SLC2A9: variants seen among roughly 807,000 people sequenced by gnomAD.
SLC2A9 encodes solute carrier family 2, facilitated glucose transporter member 9.
In SLC2A9, 39 loss-of-function variants were observed where a neutral mutation model predicts 50.6. The ratio of observed to expected loss-of-function variants is 0.77; its 90% confidence interval spans 0.60 to 1.01. The LOEUF is 1.01. Ranked by LOEUF, SLC2A9 falls within the 50% of genes least tolerant of loss-of-function variation. The pLI is 0.00. For missense variants in SLC2A9, 686 were observed against 677.6 expected, an observed-to-expected ratio of 1.01 and a Z score of -0.14; for synonymous variants, 324 against 276.9, an observed-to-expected ratio of 1.17 and a Z score of -1.69.
chr4:9,934,818 T>C (rs1379906543), intron 6 of SLC2A9, among the ~76,000 whole-genome samples: 2 of 152,062 alleles, frequency 1.3e-5, no homozygotes, highest in African/African-American at 4.8e-5. Flanking sequence ...CCTCAGCCCC[T>C]GCCCACAGGC....
At chr4:9,909,640 G>T (rs1741324752) in intron 7 of SLC2A9, among the ~76,000 whole-genome samples, 3 of 152,116 alleles carry the variant, frequency 2.0e-5, no homozygotes, top group Admixed American at 2.0e-4. Context: ...GAGGTGTCAG[G>T]AACTGGGTGA....
At chr4:9,858,391 C>A (rs565759207) in intron 10 of SLC2A9, among the ~76,000 whole-genome samples, 1 of 152,168 alleles carries the variant, frequency 6.6e-6, no homozygotes, top group South Asian at 2.1e-4. Flanking sequence ...TCCATGCATG[C>A]ACTTTATCAA....
chr4:9,782,335 G>A (rs769659017), intron 3 of SLC2A9: 6 of 1,613,926 alleles, frequency 3.7e-6, no homozygotes, highest in African/African-American at 1.3e-5. Flanking sequence ...CAGTCGCCGA[G>A]GTGGCCGGTT....
intron 1 of SLC2A9, among the ~76,000 whole-genome samples, chr4:9,773,255 C>A (rs1717085254): frequency 6.6e-6 from 1 of 152,178 alleles, no homozygotes; most frequent in African/African-American, 2.4e-5. Flanking sequence ...CTGCCCCTCC[C>A]CATCCCCTCC....
At chr4:9,980,785 G>T (rs747295369) in intron 4 of SLC2A9, 48 bp from the exon 5 acceptor site, 2 of 1,613,460 alleles carry the variant, frequency 1.2e-6, no homozygotes, top group South Asian at 1.1e-5. Context: ...CTTCCCGGGG[G>T]AGCTGCACTC....
chr4:9,870,924 T>C (rs1266749061), intron 10 of SLC2A9, among the ~76,000 whole-genome samples: 1 of 152,096 alleles, frequency 6.6e-6, no homozygotes, highest in African/African-American at 2.4e-5. Flanking sequence ...TAGGAAGATT[T>C]TTTTGGGGGG....
chr4:9,850,161 G>C (rs192839949), intron 10 of SLC2A9, among the ~76,000 whole-genome samples: 1 of 152,096 alleles, frequency 6.6e-6, no homozygotes, highest in Non-Finnish European at 1.5e-5. Flanking sequence ...GGCCCCCAGC[G>C]ACTCCTGGGG....
chr4:9,778,147 T>A (rs1349014308), downstream of SLC2A9, among the ~76,000 whole-genome samples: 1 of 151,062 alleles, frequency 6.6e-6, no homozygotes, highest in South Asian at 2.1e-4. Flanking sequence ...TGCTCTGTTG[T>A]CCAGCAGACT....
intron 8 of SLC2A9, among the ~76,000 whole-genome samples, chr4:9,891,748 C>A (rs1380957992): frequency 3.3e-5 from 5 of 152,196 alleles, no homozygotes; most frequent in African/African-American, 1.2e-4. Context: ...TCAGGCGAGG[C>A]TTCCTGGAGG....
intron 6 of SLC2A9, among the ~76,000 whole-genome samples, chr4:9,941,701 C>T (rs973679247): frequency 3.9e-5 from 6 of 152,176 alleles, no homozygotes; most frequent in African/African-American, 1.2e-4. Flanking sequence ...CCCTGGGAGA[C>T]TCCCTGGGTG....
intron 10 of SLC2A9, among the ~76,000 whole-genome samples, chr4:9,877,113 T>C (rs1423879780): frequency 6.6e-6 from 1 of 152,220 alleles, no homozygotes; most frequent in African/African-American, 2.4e-5. Context: ...TCCCTAACTT[T>C]TGAGGGGAAA....
chr4:10,039,158 A>T (rs1275055792), intron 1 of SLC2A9, among the ~76,000 whole-genome samples: 1 of 152,216 alleles, frequency 6.6e-6, no homozygotes, highest in Non-Finnish European at 1.5e-5. Context: ...TTGTTGCAGA[A>T]ATGGACCTGG....
At chr4:9,809,358 G>T (rs1722547026) in intron 3 of SLC2A9, among the ~76,000 whole-genome samples, 1 of 152,142 alleles carries the variant, frequency 6.6e-6, no homozygotes, top group Non-Finnish European at 1.5e-5. Context: ...AGCCAGGAAA[G>T]CACCTAGTTA....
upstream of SLC2A9, chr4:10,021,545 G>A: frequency 6.6e-7 from 1 of 1,515,098 alleles, no homozygotes; most frequent in Non-Finnish European, 9.0e-7. Context: ...CTGACAGGAA[G>A]TGTGGCAATT....
At chr4:10,002,391 G>A (rs756318960) in intron 2 of SLC2A9, among the ~76,000 whole-genome samples, 5 of 152,342 alleles carry the variant, frequency 3.3e-5, no homozygotes, top group East Asian at 1.9e-4. Flanking sequence ...GGGCCTGAGA[G>A]TTATATAACC....
intron 5 of SLC2A9, among the ~76,000 whole-genome samples, chr4:9,945,940 C>A (rs1471039697): frequency 6.6e-6 from 1 of 152,200 alleles, no homozygotes; most frequent in East Asian, 1.9e-4. Flanking sequence ...CATTTTCAGA[C>A]AGTGGCCTCT....
chr4:9,999,511 A>G (rs1379126363), intron 2 of SLC2A9, among the ~76,000 whole-genome samples: 2 of 152,182 alleles, frequency 1.3e-5, no homozygotes, highest in East Asian at 3.9e-4. Context: ...TGTTCCAGGC[A>G]GAGGGAGAAT....
chr4:9,981,856 T>G (rs1755937411), intron 4 of SLC2A9, among the ~76,000 whole-genome samples: 1 of 152,054 alleles, frequency 6.6e-6, no homozygotes, highest in Non-Finnish European at 1.5e-5. Context: ...TCAAAATCCT[T>G]CAGGTTTATC....
At chr4:9,856,831 G>T (rs1269171475) in intron 10 of SLC2A9, among the ~76,000 whole-genome samples, 1 of 152,196 alleles carries the variant, frequency 6.6e-6, no homozygotes. Flanking sequence ...GATGGAGCTG[G>T]AGGCCATTAT....
Sources: allele counts gnomAD v4.1 joint callset (sites outside exome capture counted in the v4.1 genomes callset), GRCh38; gene constraint gnomAD v4.1.1; transcripts MANE v1.5; gene names NCBI Gene and HGNC (gene_info 2026-07-23, HGNC 2026-07-21).